Variants in RRP12 observed in about 807,000 individuals in gnomAD.
RRP12 encodes RRP12-like protein.
A neutral mutation model predicts 157.3 loss-of-function variants in RRP12; 78 were observed. The ratio of observed to expected loss-of-function variants is 0.50; its 90% confidence interval spans 0.41 to 0.60. The LOEUF is 0.60. RRP12 is among the 20% of genes least tolerant of loss of function. RRP12 has a pLI of 0.00. For missense variants in RRP12, 1,521 were observed against 1,679.9 expected (o/e 0.91, Z 1.65); for synonymous variants, 726 against 670.9 (o/e 1.08, Z -1.27).
In RRP12 at chr10:97,390,426, G is replaced by C; in HGVS notation, c.750C>G (p.Pro250=). ...TCTAGGGAGCTAGTAGTCTCACCTT[G>C]GGCTTGGGATGCACCGTGAAGCTCA... ...GLLSFTVHPK[P]KIRKAAQHGV... The change falls in exon 6 of 34, where the codon CCC becomes CCG. Residue 250 remains proline, a synonymous_variant. Transcript: ENST00000370992. The C allele has an allele frequency of 1.9e-6, 3 of 1,611,782 alleles. No homozygotes were observed. The highest frequency in any genetic ancestry group is 4.5e-5 in the East Asian group (2 of 44,870).
Position 97,357,007 on chromosome 10 carries a change from C to G in RRP12, c.*87G>C. Reference sequence around the variant, plus strand: ...TCCTGAGTCCAGGCTCTGCCAGAATCTTGAGCACCTGGAGCTGGTGGCAAG... The same window carrying G: ...TCCTGAGTCCAGGCTCTGCCAGAATGTTGAGCACCTGGAGCTGGTGGCAAG... On this transcript the variant is annotated 3_prime_UTR_variant, in exon 34 of 34. Coordinates refer to ENST00000370992, the MANE Select transcript of RRP12 (RefSeq NM_015179.4). 1.4e-6 allele frequency: 1 copy of G among 734,452 alleles called. No homozygotes were observed. Among genetic ancestry groups the G allele is most frequent in the Non-Finnish European group, 2.3e-6 (1 of 426,782 alleles). The allele number at this position is 734,452 out of a possible 1,614,324, so 45.5% of individuals were successfully genotyped here.
chr10:97,366,016 T>C (rs1843965818), intron 29 of RRP12, 92 bp downstream of exon 29: 9 of 1,542,370 alleles, frequency 5.8e-6, no homozygotes, highest in Non-Finnish European at 7.9e-6. Flanking sequence ...GAAGAGTTTC[T>C]CTGGTCTGTT....
At chr10:97,380,756 C>T (rs1264273289) in intron 13 of RRP12, 43 bp downstream of exon 13, 4 of 1,434,248 alleles carry the variant, frequency 2.8e-6, no homozygotes, top group African/African-American at 1.4e-5. Context: ...AGTCCAAGAG[C>T]CAGCACCACT....
intron 26 of RRP12, 66 bp from the exon 27 acceptor site, chr10:97,366,975 C>A: frequency 1.2e-6 from 2 of 1,609,458 alleles, no homozygotes; most frequent in Non-Finnish European, 1.7e-6. Context: ...ATGTAGTGTC[C>A]CTGGTAGGAC....
intron 29 of RRP12, among the ~76,000 whole-genome samples, chr10:97,364,165 G>A (rs1167187130): frequency 6.6e-6 from 1 of 152,076 alleles, no homozygotes; most frequent in African/African-American, 2.4e-5. Flanking sequence ...ATATGGCTTC[G>A]TTTGAAACTT....
At chr10:97,381,676 C>T (rs1844471445) in intron 11 of RRP12, 39 bp downstream of exon 11, 1 of 1,533,416 alleles carries the variant, frequency 6.5e-7, no homozygotes, top group Non-Finnish European at 9.0e-7. Context: ...CCCATAGAAC[C>T]CCCTGTGCTC....
Position 97,393,724 on chromosome 10 carries a change from G to A in RRP12, c.490C>T (p.Leu164=), listed in dbSNP as rs1844876397. 8 of 1,614,050 alleles carry A rather than the reference G, an allele frequency of 5.0e-6. No homozygotes were observed. The highest frequency in any genetic ancestry group is 6.8e-6 in the Non-Finnish European group (8 of 1,180,000). The change falls in exon 4 of 34, where the codon CTG becomes TTG. Residue 164 remains leucine, a synonymous_variant. Transcript: ENST00000370992. ...TMEAVESPES[L]AAVAYLLNLV... is the part of the protein sequence containing the mutation. ...TTCAGCAGGTAAGCAACGGCGGCCA[G>A]GGACTCCGGGGACTCCACTGCTTCC... is the stretch of plus-strand genomic sequence containing the variant.
chr10:97,392,870 T>C (rs1844848555), intron 4 of RRP12, among the ~76,000 whole-genome samples: 1 of 152,032 alleles, frequency 6.6e-6, no homozygotes, highest in Non-Finnish European at 1.5e-5. Flanking sequence ...TTTGTGTTTT[T>C]AGTAGGGACG....
At chr10:97,382,224 A>C (rs545201944) in intron 10 of RRP12, among the ~76,000 whole-genome samples, 1 of 152,036 alleles carries the variant, frequency 6.6e-6, no homozygotes, top group South Asian at 2.1e-4. Context: ...TAGCTCACGG[A>C]GTCTCAAACT....
At chr10:97,375,495 T>C (rs1844280293) in intron 15 of RRP12, among the ~76,000 whole-genome samples, 1 of 152,160 alleles carries the variant, frequency 6.6e-6, no homozygotes, top group African/African-American at 2.4e-5. Flanking sequence ...AAGCCAATAC[T>C]GTCAGGCACG....
chr10:97,363,937 T>G (rs773990371), intron 29 of RRP12, 34 bp from the exon 30 acceptor site: 1 of 1,603,218 alleles, frequency 6.2e-7, no homozygotes, highest in African/African-American at 1.3e-5. Context: ...ATGAGCGCTG[T>G]GGGAGCTCCT....
chr10:97,366,279 G>C (rs551311094), intron 28 of RRP12, 46 bp from the exon 29 acceptor site: 1 of 1,604,210 alleles, frequency 6.2e-7, no homozygotes, highest in South Asian at 1.1e-5. Flanking sequence ...CCAGTCCCAT[G>C]CTACTCACCC....
intron 25 of RRP12, among the ~76,000 whole-genome samples, chr10:97,368,879 G>A (rs1466230723): frequency 6.6e-6 from 1 of 152,262 alleles, no homozygotes; most frequent in Non-Finnish European, 1.5e-5. Flanking sequence ...GGGAAACTGA[G>A]GCAGTAGGTA....
chr10:97,369,432 T>C lies in RRP12; in HGVS notation c.2948A>G (p.Gln983Arg). The C allele has an allele frequency of 6.2e-7, 1 of 1,611,780 alleles. No individual in the cohort carries two copies. The highest frequency in any genetic ancestry group is 8.5e-7 in the Non-Finnish European group (1 of 1,179,140). ...MDVAHLAKHV[Q>R]LVMEAIGKLS... is the part of the protein sequence containing the mutation. Reference sequence around the variant, plus strand: ...GGGAACGGGGACACTCACCACCAGCTGCACATGTTTGGCCAGGTGCGCCAC... The same window carrying C: ...GGGAACGGGGACACTCACCACCAGCCGCACATGTTTGGCCAGGTGCGCCAC... Residue 983 changes from glutamine (Q) to arginine (R), a missense_variant, in exon 25 of 34, where the codon CAG becomes CGG. Physicochemically the swap from Gln to Arg is conservative, Grantham distance 43 (BLOSUM62 1). Transcript: ENST00000370992.
chr10:97,375,963 G>A (rs936190254), intron 15 of RRP12, among the ~76,000 whole-genome samples: 1 of 151,978 alleles, frequency 6.6e-6, no homozygotes, highest in Non-Finnish European at 1.5e-5. Flanking sequence ...AATTAGCGAG[G>A]GGTGATGGTA....
Position 97,363,842 on chromosome 10 carries a change from G to C in RRP12, c.3567+12C>G, listed in dbSNP as rs1285741437. ...CTGAAGCCCTAGCCCCCCATCTGCAGGAACTACTCACATTCCTGATGATCA... is the reference window on the plus strand; with the variant it reads ...CTGAAGCCCTAGCCCCCCATCTGCACGAACTACTCACATTCCTGATGATCA... On this transcript the variant is annotated intron_variant, in intron 30 of 33. Transcript: ENST00000370992. The C allele has an allele frequency of 1.2e-6, 2 of 1,612,574 alleles. No individual in the cohort carries two copies. The highest frequency in any genetic ancestry group is 2.2e-5 in the East Asian group (1 of 44,876).
At chr10:97,363,733 G>A in intron 30 of RRP12, 121 bp downstream of exon 30, 1 of 898,652 alleles carries the variant, frequency 1.1e-6, no homozygotes, top group Non-Finnish European at 1.9e-6. Context: ...ACACCTGTGA[G>A]GATGCACCGA....
chr10:97,386,386 G>A (rs928108890), intron 8 of RRP12, among the ~76,000 whole-genome samples: 4 of 150,724 alleles, frequency 2.7e-5, no homozygotes, highest in Admixed American at 6.7e-5. Flanking sequence ...ACAGAGTCTC[G>A]TCTCACTATG....
chr10:97,370,303 C>T, intron 23 of RRP12, 29 bp from the exon 24 acceptor site: 1 of 1,524,636 alleles, frequency 6.6e-7, no homozygotes, highest in Non-Finnish European at 9.0e-7. Context: ...GTGGGTCAAG[C>T]AGGAAGGACC....
Sources: gnomAD v4.1 joint callset for allele counts (sites outside exome capture counted in the v4.1 genomes callset) on GRCh38, gnomAD v4.1.1 for gene constraint, MANE v1.5 for transcripts, NCBI Gene and HGNC (gene_info 2026-07-23, HGNC 2026-07-21) for gene names.